The following MDN1 variants were observed in gnomAD, a reference collection of about 807,000 sequenced individuals.
MDN1 encodes midasin.
A neutral mutation model predicts 669.2 loss-of-function variants in MDN1; 266 were observed. That is an observed-to-expected ratio of 0.40 (90% CI 0.36 to 0.44). The LOEUF (loss-of-function observed/expected upper bound fraction) is 0.44, where lower values mean the gene tolerates loss of function less well. MDN1 is among the 20% of genes least tolerant of loss of function. The pLI is 1.00. For missense variants in MDN1, 5,940 were observed against 6,754.0 expected, an observed-to-expected ratio of 0.88 and a Z score of 4.22; for synonymous variants, 2,385 against 2,457.1, an observed-to-expected ratio of 0.97 and a Z score of 0.87.
chr6:89,793,852 C>T lies in MDN1; in HGVS notation c.765G>A (p.Gln255=), dbSNP rs776552833. The change falls in exon 5 of 102, where the codon CAG becomes CAA. Residue 255 remains glutamine (Q), a synonymous_variant. Transcript: ENST00000369393. ...AGAGGTCAGACGAAACAAGATGTCC[C>T]TGTAAGTACTGCAGCTCCTTCTGCT... ...WRKQKELQYL[Q]GHLVSSDLSP... The T allele has an allele frequency of 1.2e-6, 2 of 1,614,154 alleles. No individual in the cohort carries two copies. The highest frequency in any genetic ancestry group is 1.7e-5 in the Admixed American group (1 of 60,014).
Position 89,794,654 on chromosome 6 carries a change from C to G in MDN1, c.477G>C (p.Glu159Asp). ...MEAAFKFLQQ[E>D]QSVFRELWDW... The stretch of plus-strand genomic sequence containing the variant: ...CCCAGAGCTCCCGGAACACAGACTG[C>G]TCCTGCTGCAGAAACTTGAAGGCTG... Residue 159 changes from glutamate (E) to aspartate (D), a missense_variant, in exon 3 of 102, where the codon GAG becomes GAC. Physicochemically the swap from Glu to Asp is conservative, Grantham distance 45 (BLOSUM62 2). Transcript: ENST00000369393. The G allele has an allele frequency of 1.2e-6, 2 of 1,614,134 alleles. No individual in the cohort carries two copies. The highest frequency in any genetic ancestry group is 1.7e-6 in the Non-Finnish European group (2 of 1,180,040).
At chr6:89,776,982 G>A (rs1172779041) in intron 11 of MDN1, among the ~76,000 whole-genome samples, 1 of 152,146 alleles carries the variant, frequency 6.6e-6, no homozygotes, top group African/African-American at 2.4e-5. Context: ...GGGCAAAGAA[G>A]AGCAATTAGT....
chr6:89,817,956 C>T (rs1446679809), intron 1 of MDN1, among the ~76,000 whole-genome samples: 1 of 152,136 alleles, frequency 6.6e-6, no homozygotes, highest in Non-Finnish European at 1.5e-5. Flanking sequence ...ATAAAGGTCT[C>T]CAGATTTGTC....
chr6:89,746,856 C>G lies in MDN1; in HGVS notation c.3904+473G>C, dbSNP rs1163317673. 2.6e-5 allele frequency among the ~76,000 whole-genome samples: 4 copies of G among 152,214 alleles called. No individual in the cohort carries two copies. The East Asian group carries it at 7.7e-4, about 29-fold the overall frequency. ...AGAAGATTCCAAAACACTGTGTATC[C>G]TATCACAAACAGTAACAAATTTTTC... On this transcript the variant is annotated intron_variant, in intron 27 of 101. Coordinates refer to ENST00000369393, the MANE Select transcript of MDN1 (RefSeq NM_014611.3).
At chr6:89,787,448 C>G (rs1260489824) in intron 8 of MDN1, among the ~76,000 whole-genome samples, 1 of 152,128 alleles carries the variant, frequency 6.6e-6, no homozygotes, top group Non-Finnish European at 1.5e-5. Context: ...TGTGACAGGT[C>G]TTTAGTACAA....
At chr6:89,773,249 T>C (rs1415231955) in intron 13 of MDN1, among the ~76,000 whole-genome samples, 1 of 152,032 alleles carries the variant, frequency 6.6e-6, no homozygotes, top group Non-Finnish European at 1.5e-5. Flanking sequence ...GACATAGAAA[T>C]ACACACACAA....
chr6:89,680,653 C>T lies in MDN1; in HGVS notation c.12201G>A (p.Met4067Ile), dbSNP rs1416807679. Reference protein sequence around the residue: ...LPKLRKRMRKMCLTFMKESPL... With the variant: ...LPKLRKRMRKICLTFMKESPL... ...GGCTCTCCTTCATGAACGTCAGGCA[C>T]ATCTTCCTCATGCGTTTCCTGAGCT... The change falls in exon 74 of 102, where the codon ATG (methionine) becomes ATA (isoleucine). Residue 4067 changes from methionine to isoleucine, a missense_variant. By Grantham distance (10) the Met-to-Ile change is conservative (BLOSUM62 1). Transcript: ENST00000369393. The T allele has an allele frequency of 6.2e-7, 1 of 1,614,096 alleles. No homozygotes were observed. The highest frequency in any genetic ancestry group is 2.2e-5 in the East Asian group (1 of 44,890).
rs187950085 is a variant in MDN1, at chr6:89,796,490, T to C, written c.330-1689A>G. Among the ~76,000 whole-genome samples the C allele has an allele frequency of 1.6e-4, 24 of 152,214 alleles. No homozygotes were observed. The East Asian group carries it at 4.2e-3, about 27-fold the overall frequency. ...AGCCCAGACTGCACTAGAGAAAAGC[T>C]AGATGATTACACTAGGGAATTCTAC... is the stretch of plus-strand genomic sequence containing the variant. On this transcript the variant is annotated intron_variant, in intron 2 of 101. Coordinates refer to ENST00000369393, the MANE Select transcript of MDN1 (RefSeq NM_014611.3).
At chr6:89,745,134 T>TTAAAA in intron 29 of MDN1, 139 bp downstream of exon 29, 1 of 282,344 alleles carries the variant, frequency 3.5e-6, no homozygotes. Flanking sequence ...AGTCTCTTCT[T>TTAAAA]AAAAAAAAAA....
intron 79 of MDN1, among the ~76,000 whole-genome samples, 163 bp downstream of exon 79, chr6:89,673,941 T>TCCCCA (rs1241592700): frequency 6.9e-5 from 10 of 143,960 alleles, no homozygotes; most frequent in Non-Finnish European, 4.6e-5. Flanking sequence ...ACACCCCCTA[T>TCCCCA]CCCCACCCCA....
At chr6:89,653,247 C>A in intron 93 of MDN1, 92 bp from the exon 94 acceptor site, 1 of 1,242,216 alleles carries the variant, frequency 8.1e-7, no homozygotes, top group South Asian at 1.5e-5. Context: ...GAAAATTAAT[C>A]AAACTTCATT....
At chr6:89,656,860 A>C in intron 90 of MDN1, 59 bp from the exon 91 acceptor site, 1 of 1,408,664 alleles carries the variant, frequency 7.1e-7, no homozygotes, top group Non-Finnish European at 1.0e-6. Flanking sequence ...GTCCCTGGTT[A>C]CTGTGCTGCA....
At chr6:89,659,432 C>T (rs901201994) in intron 88 of MDN1, among the ~76,000 whole-genome samples, 1 of 152,202 alleles carries the variant, frequency 6.6e-6, no homozygotes, top group Non-Finnish European at 1.5e-5. Context: ...TTACCCCATC[C>T]GTTTTGTACT....
intron 43 of MDN1, 65 bp downstream of exon 43, chr6:89,718,301 T>A (rs1013679920): frequency 6.9e-7 from 1 of 1,445,018 alleles, no homozygotes. Flanking sequence ...GTAAATCTAT[T>A]ACGTGTAAAT....
Position 89,727,965 on chromosome 6 carries a change from G to C in MDN1, c.5350-10C>G, listed in dbSNP as rs755338702. ...ACAGGTCTGTGATGTCCTTTGAAAG[G>C]GGAAGAAATGGAAAGAAGCCATTAT... On this transcript the variant is annotated splice_polypyrimidine_tract_variant and intron_variant, in intron 36 of 101. Coordinates refer to ENST00000369393, the MANE Select transcript of MDN1 (RefSeq NM_014611.3). 1.3e-6 allele frequency: 2 copies of C among 1,595,732 alleles called. No individual in the cohort carries two copies. Among genetic ancestry groups the C allele is most frequent in the Middle Eastern group, 1.7e-4 (1 of 5,956 alleles).
chr6:89,674,519 G>T lies in MDN1; in HGVS notation c.12832C>A (p.Pro4278Thr). The T allele has an allele frequency of 6.2e-7, 1 of 1,608,258 alleles. No individual in the cohort carries two copies. The highest frequency in any genetic ancestry group is 8.5e-7 in the Non-Finnish European group (1 of 1,179,636). ...MGPQAYPVAF[P>T]PQDGVQQWTE... ...CACTGCTGCACGCCATCCTGAGGGG[G>T]GAAGGCCACGGGGTAGGCCTGGGGC... Residue 4278 changes from proline to threonine, a missense_variant, in exon 79 of 102, where the codon CCC becomes ACC. Transcript: ENST00000369393.
At chr6:89,787,821 C>T (rs1260528440) in intron 8 of MDN1, 33 bp downstream of exon 8, 1 of 1,532,740 alleles carries the variant, frequency 6.5e-7, no homozygotes, top group African/African-American at 1.4e-5. Flanking sequence ...TAAGTGGCTC[C>T]AGAGTGAAAA....
Position 89,794,623 on chromosome 6 carries a change from T to G in MDN1, c.508A>C (p.Ser170Arg). ...QSVFRELWDWSVCVPLLRSHD... is the reference protein window; with the variant it reads ...QSVFRELWDWRVCVPLLRSHD... ...CTTCTGAGGAGAGGGACACACACAC[T>G]CCAGTCCCAGAGCTCCCGGAACACA... The change falls in exon 3 of 102, where the codon AGT (serine) becomes CGT (arginine). Residue 170 changes from serine to arginine, a missense_variant. By Grantham distance (110) the Ser-to-Arg change is moderately radical. Transcript: ENST00000369393. The G allele has an allele frequency of 6.2e-7, 1 of 1,613,578 alleles. No homozygotes were observed. The highest frequency in any genetic ancestry group is 8.5e-7 in the Non-Finnish European group (1 of 1,180,004).
In MDN1 at chr6:89,674,276, G is replaced by C. The variant is rs376170203; in HGVS notation, c.13075C>G (p.Pro4359Ala). 31 of 1,614,096 alleles carry C rather than the reference G, an allele frequency of 1.9e-5. No homozygotes were observed. The highest frequency in any genetic ancestry group is 3.3e-4 in the Middle Eastern group (2 of 6,082). ...AGCTGACTTCCAGGTATTGGAGATG[G>C]GTAGCTCAGATTGGAAGGAATTAGG... ...LDLIPSNLSY[P>A]SPIPGSQLPS... Residue 4359 changes from proline to alanine, a missense_variant, in exon 79 of 102, where the codon CCA becomes GCA. Physicochemically the swap from Pro to Ala is conservative, Grantham distance 27 (BLOSUM62 -1). Coordinates refer to ENST00000369393, the MANE Select transcript of MDN1 (RefSeq NM_014611.3).
Sources: gnomAD v4.1 joint callset for allele counts (sites outside exome capture counted in the v4.1 genomes callset) on GRCh38, gnomAD v4.1.1 for gene constraint, MANE v1.5 for transcripts, NCBI Gene and HGNC (gene_info 2026-07-23, HGNC 2026-07-21) for gene names.